CMKLR2: variants seen among roughly 807,000 people sequenced by gnomAD.
CMKLR2 encodes the protein chemerin chemokine-like receptor 2.
Under a neutral mutation model 23.0 loss-of-function variants are expected in CMKLR2, and 18 were observed. The observed-to-expected ratio is 0.78, with a 90% CI of 0.54 to 1.16. The LOEUF is 1.16. CMKLR2 is among the 50% of genes most tolerant of loss of function. The pLI is 0.00. For synonymous variants in CMKLR2, 158 were observed against 158.9 expected, an observed-to-expected ratio of 0.99 and a Z score of 0.05; for missense variants, 401 against 412.7, an observed-to-expected ratio of 0.97 and a Z score of 0.25.
intron 1 of CMKLR2, among the ~76,000 whole-genome samples, chr2:206,186,117 CT>C (rs11317836): frequency 0.36 from 50,192 of 140,080 alleles, 8,626 homozygotes; most frequent in African/African-American, 0.43. Flanking sequence ...GTGGAATGGG[CT>C]TTTTTTTTTT....
At chr2:206,206,997 T>C (rs2105837652) in intron 1 of CMKLR2, among the ~76,000 whole-genome samples, 1 of 147,904 alleles carries the variant, frequency 6.8e-6, no homozygotes, top group East Asian at 2.0e-4. Context: ...CTGAGAGGTG[T>C]GTTCAATCTG....
chr2:206,184,674 G>A (rs1189347585), intron 1 of CMKLR2, among the ~76,000 whole-genome samples: 1 of 151,976 alleles, frequency 6.6e-6, no homozygotes, highest in East Asian at 1.9e-4. Flanking sequence ...GGTGGGGGAG[G>A]AGGGTTACCA....
At chr2:206,194,743 A>AC in intron 1 of CMKLR2, among the ~76,000 whole-genome samples, 1 of 85,824 alleles carries the variant, frequency 1.2e-5, no homozygotes, top group Non-Finnish European at 2.3e-5. Flanking sequence ...GCCATCATAG[A>AC]CTTTTTTTTT....
chr2:206,194,515 G>A (rs539086896), intron 1 of CMKLR2, among the ~76,000 whole-genome samples: 1 of 145,628 alleles, frequency 6.9e-6, no homozygotes, highest in Non-Finnish European at 1.5e-5. Context: ...CTGGAGTGCA[G>A]TGGCGTAATA....
At chr2:206,185,112 A>G (rs1433675573) in intron 1 of CMKLR2, among the ~76,000 whole-genome samples, 2 of 152,056 alleles carry the variant, frequency 1.3e-5, no homozygotes, top group Admixed American at 6.6e-5. Flanking sequence ...CTCAGCCTCC[A>G]AGTAGCTGGG....
intron 1 of CMKLR2, among the ~76,000 whole-genome samples, chr2:206,211,182 G>A (rs6435335): frequency 6.6e-6 from 1 of 152,116 alleles, no homozygotes; most frequent in Non-Finnish European, 1.5e-5. Context: ...ACCCACCCAC[G>A]AGTGTTCCTC....
At chr2:206,203,209 T>TC (rs549956292) in intron 1 of CMKLR2, among the ~76,000 whole-genome samples, 328 of 147,970 alleles carry the variant, frequency 2.2e-3, no homozygotes, top group Non-Finnish European at 3.5e-3. Flanking sequence ...ATGCCTGTAA[T>TC]CCCAGCTACT....
intron 1 of CMKLR2, among the ~76,000 whole-genome samples, chr2:206,198,498 CTCTTT>C (rs1257822526): frequency 6.6e-6 from 1 of 152,174 alleles, no homozygotes; most frequent in Non-Finnish European, 1.5e-5. Context: ...TATATTCTAG[CTCTTT>C]TATTACTCTC....
chr2:206,199,063 A>G (rs2105824872), intron 1 of CMKLR2, among the ~76,000 whole-genome samples: 1 of 152,346 alleles, frequency 6.6e-6, no homozygotes, highest in Admixed American at 6.5e-5. Flanking sequence ...ATTTGTGCAT[A>G]TAGCCCAAAC....
rs747239310 is a variant in CMKLR2, at chr2:206,176,141, C to T, written c.*39G>A. On this transcript the variant is annotated 3_prime_UTR_variant, in exon 2 of 2. Coordinates refer to ENST00000621141, the MANE Select transcript of CMKLR2 (RefSeq NM_001389445.1). ...CTGAAAGCATCAGTCAGAGGACCCA[C>T]ATAAAAAGCCATATACTGATTTGTG... 4 of 1,412,086 alleles carry T rather than the reference C, an allele frequency of 2.8e-6. No individual in the cohort carries two copies. Among genetic ancestry groups the T allele is most frequent in the Non-Finnish European group, 3.9e-6 (4 of 1,032,836 alleles). The allele number at this position is 1,412,086 out of a possible 1,614,324, so 87.5% of individuals were successfully genotyped here. A position where few individuals can be genotyped will look rare whatever the true frequency, so the allele number is the denominator to read the frequency against.
intron 1 of CMKLR2, among the ~76,000 whole-genome samples, chr2:206,211,678 G>A (rs556256839): frequency 3.3e-5 from 5 of 150,254 alleles, no homozygotes; most frequent in Admixed American, 6.7e-5. Flanking sequence ...TTGTTTTCCC[G>A]TAAGTGCCCT....
chr2:206,189,544 A>G (rs746084463), intron 1 of CMKLR2, among the ~76,000 whole-genome samples: 2 of 152,106 alleles, frequency 1.3e-5, no homozygotes, highest in Non-Finnish European at 2.9e-5. Flanking sequence ...CTGAGGGAGG[A>G]GAATTGCTTG....
upstream of CMKLR2, among the ~76,000 whole-genome samples, chr2:206,216,518 G>T (rs1283754786): frequency 6.6e-6 from 1 of 152,144 alleles, no homozygotes; most frequent in African/African-American, 2.4e-5. Context: ...CTGGGCTCAA[G>T]TAATCCTCCT....
intron 1 of CMKLR2, among the ~76,000 whole-genome samples, chr2:206,201,965 T>A (rs1689111605): frequency 6.6e-6 from 1 of 152,170 alleles, no homozygotes; most frequent in African/African-American, 2.4e-5. Context: ...CTATTCAAAC[T>A]GGCTTCAAAA....
chr2:206,213,201 T>C (rs1282517595), intron 1 of CMKLR2, 106 bp downstream of exon 1: 1 of 152,194 alleles, frequency 6.6e-6, no homozygotes, highest in Non-Finnish European at 1.5e-5. Context: ...TTTTGCCAGC[T>C]GGTAGTTAGT....
intron 1 of CMKLR2, among the ~76,000 whole-genome samples, chr2:206,201,288 A>G (rs1331245306): frequency 2.0e-5 from 3 of 152,208 alleles, no homozygotes; most frequent in Admixed American, 6.5e-5. Context: ...GCCAGTTGCC[A>G]TGCAAAGCAA....
intron 1 of CMKLR2, among the ~76,000 whole-genome samples, chr2:206,194,498 A>C: frequency 1.5e-5 from 2 of 131,328 alleles, no homozygotes; most frequent in African/African-American, 2.9e-5. Context: ...TCGCTCTGTC[A>C]CCCAGGCTGG....
intron 1 of CMKLR2, among the ~76,000 whole-genome samples, chr2:206,191,026 G>A (rs1488454437): frequency 6.6e-6 from 1 of 152,098 alleles, no homozygotes; most frequent in Non-Finnish European, 1.5e-5. Context: ...AAACTTTTAG[G>A]CTTAATTCCT....
rs201426996 is a variant in CMKLR2 at position 206,212,723 on chromosome 2, A to C, written c.-29+584T>G. On this transcript the variant is annotated intron_variant, in intron 1 of 1. Transcript: ENST00000621141. ...TAACAAGAAATTGATAGCGAGATTC[A>C]AAAAGGCAACAACAACAAACAAATG... 2.6e-5 allele frequency among the ~76,000 whole-genome samples: 4 copies of C among 152,216 alleles called. No homozygotes were observed. The East Asian group carries it at 7.7e-4, about 29-fold the overall frequency.
Sources: gnomAD v4.1 joint callset for allele counts (sites outside exome capture counted in the v4.1 genomes callset) on GRCh38, gnomAD v4.1.1 for gene constraint, MANE v1.5 for transcripts, NCBI Gene and HGNC (gene_info 2026-07-23, HGNC 2026-07-21) for gene names.